Variants in ZDHHC11B observed in about 807,000 individuals in gnomAD.
ZDHHC11B encodes probable palmitoyltransferase ZDHHC11B.
A neutral mutation model predicts 42.3 loss-of-function variants in ZDHHC11B; 17 were observed. The ratio of observed to expected loss-of-function variants is 0.40; its 90% CI spans 0.27 to 0.60. ZDHHC11B has a LOEUF of 0.60. Among genes scored for constraint, ZDHHC11B ranks in the 20% least tolerant of loss-of-function variants. ZDHHC11B has a pLI of 0.41. For synonymous variants in ZDHHC11B, 123 were observed against 193.5 expected (o/e 0.64, Z 3.02); for missense variants, 262 against 463.2 (o/e 0.57, Z 3.99).
At chr5:750,890 C>T (rs1331287139) in intron 7 of ZDHHC11B, among the ~76,000 whole-genome samples, 3 of 124,150 alleles carry the variant, frequency 2.4e-5, no homozygotes, top group African/African-American at 7.8e-5. Flanking sequence ...CTGACACGAC[C>T]TGGCAGCATC....
At chr5:778,907 T>C (rs1736758160) in intron 1 of ZDHHC11B, among the ~76,000 whole-genome samples, 2 of 151,772 alleles carry the variant, frequency 1.3e-5, no homozygotes, top group Non-Finnish European at 2.9e-5. Flanking sequence ...GATTCAGCTA[T>C]GGGGGCCAGG....
chr5:716,977 G>T, intron 12 of ZDHHC11B, 112 bp from the exon 13 acceptor site: 3 of 1,492,864 alleles, frequency 2.0e-6, no homozygotes, highest in Non-Finnish European at 2.8e-6. Context: ...AGATTAGCTT[G>T]TGACGTGGGC....
rs1299434860 is a variant in ZDHHC11B, at chr5:750,987, G to C, written c.628+146C>G. The C allele has an allele frequency of 4.6e-6, 3 of 646,570 alleles. 1 individual carries two copies. Among genetic ancestry groups the C allele is most frequent in the Non-Finnish European group, 6.4e-6 (3 of 467,206 alleles). The allele number at this position is 646,570 out of a possible 1,614,324, so 40.1% of individuals were successfully genotyped here. On this transcript the variant is annotated intron_variant, in intron 7 of 13. Coordinates refer to ENST00000508859, the MANE Select transcript of ZDHHC11B (RefSeq NM_001351303.2). ...GCTGTATGAACACTGGGCTGCTGCC[G>C]TCGGGCCAGGTCAGAGCCTGCATGG... is the stretch of plus-strand genomic sequence containing the variant.
chr5:770,706 G>A lies in ZDHHC11B; in HGVS notation c.-229-1776C>T, dbSNP rs554722545. ...GAGGGTGTGTGGTGGCCCTGGGGGT[G>A]CCTCAGGATGCTCTTCCCAGGAGCC... On this transcript the variant is annotated intron_variant, in intron 1 of 13. Coordinates refer to ENST00000508859, the MANE Select transcript of ZDHHC11B (RefSeq NM_001351303.2). Among the ~76,000 whole-genome samples, 680 of 151,942 alleles carry A rather than the reference G, an allele frequency of 4.5e-3. 15 individuals carry two copies. The highest frequency in any genetic ancestry group is 0.016 in the African/African-American group (641 of 41,340).
intron 1 of ZDHHC11B, among the ~76,000 whole-genome samples, chr5:778,269 G>A (rs1247198345): frequency 2.6e-5 from 4 of 151,724 alleles, no homozygotes; most frequent in Non-Finnish European, 5.9e-5. Flanking sequence ...ATCCCGGCTG[G>A]CTCATCCCAT....
intron 4 of ZDHHC11B, among the ~76,000 whole-genome samples, chr5:759,043 GTTTAA>G (rs1416843622): frequency 1.3e-5 from 2 of 151,846 alleles, no homozygotes; most frequent in African/African-American, 4.8e-5. Flanking sequence ...CTACTTTCAC[GTTTAA>G]TTTTATGCCG....
chr5:773,202 T>G (rs1736199190), intron 1 of ZDHHC11B, among the ~76,000 whole-genome samples: 2 of 151,852 alleles, frequency 1.3e-5, no homozygotes, highest in African/African-American at 4.8e-5. Flanking sequence ...ACCTTGGCGC[T>G]CTCCACCGAG....
chr5:777,111 A>G (rs1270776204), intron 1 of ZDHHC11B, among the ~76,000 whole-genome samples: 1 of 151,906 alleles, frequency 6.6e-6, no homozygotes, highest in Non-Finnish European at 1.5e-5. Flanking sequence ...CACAGTTCTT[A>G]AAGATGGCGA....
chr5:750,354 G>A (rs1282166717), intron 7 of ZDHHC11B, among the ~76,000 whole-genome samples: 1 of 135,220 alleles, frequency 7.4e-6, no homozygotes, highest in Non-Finnish European at 1.6e-5. Flanking sequence ...TCCCACCTCT[G>A]CGAGCTCCTG....
At chr5:771,525 C>T (rs1399452752) in intron 1 of ZDHHC11B, among the ~76,000 whole-genome samples, 5 of 147,956 alleles carry the variant, frequency 3.4e-5, no homozygotes, top group Admixed American at 6.7e-5. Context: ...GTGGAAGGGC[C>T]GTCTGGGGGC....
intron 4 of ZDHHC11B, among the ~76,000 whole-genome samples, chr5:760,103 G>A (rs1471811299): frequency 1.3e-5 from 2 of 151,772 alleles, no homozygotes; most frequent in Non-Finnish European, 2.9e-5. Flanking sequence ...TCACCTACCA[G>A]AGAGCAGGTG....
chr5:765,653 A>G (rs1363133769), intron 4 of ZDHHC11B, among the ~76,000 whole-genome samples: 1 of 151,868 alleles, frequency 6.6e-6, no homozygotes, highest in Admixed American at 6.6e-5. Flanking sequence ...TCTTTGCAAT[A>G]CATCTTGCTG....
At chr5:750,039 G>A (rs1284569990) in intron 7 of ZDHHC11B, among the ~76,000 whole-genome samples, 1 of 108,580 alleles carries the variant, frequency 9.2e-6, no homozygotes, top group African/African-American at 3.2e-5. Flanking sequence ...GTCACACCGT[G>A]TTGGCTCCGG....
rs1300612236 is a variant in ZDHHC11B, at chr5:752,016, G to A, written c.504-759C>T. Among the ~76,000 whole-genome samples, 8 of 122,972 alleles carry A rather than the reference G, an allele frequency of 6.5e-5. 2 individuals carry two copies. The highest frequency in any genetic ancestry group is 9.6e-5 in the Admixed American group (1 of 10,466). The allele number at this position is 122,972 out of a possible 152,430, so 80.7% of individuals were successfully genotyped here. On this transcript the variant is annotated intron_variant, in intron 6 of 13. Coordinates refer to ENST00000508859, the MANE Select transcript of ZDHHC11B (RefSeq NM_001351303.2). ...TGTCACAGCTCTGGGGCCTCTGCCC[G>A]CACCTCCCGACTCCACCTGATGCAG... is the stretch of plus-strand genomic sequence containing the variant.
At chr5:730,410 T>C in intron 12 of ZDHHC11B, 24 bp downstream of exon 12, 2 of 1,576,390 alleles carry the variant, frequency 1.3e-6, no homozygotes, top group Non-Finnish European at 1.7e-6. Flanking sequence ...AGATAAAACG[T>C]TCCCATTAAA....
intron 12 of ZDHHC11B, among the ~76,000 whole-genome samples, chr5:717,590 C>G (rs1741851012): frequency 6.6e-6 from 1 of 151,840 alleles, no homozygotes; most frequent in Non-Finnish European, 1.5e-5. Context: ...TCTCCCTTCT[C>G]TGATCCAATC....
intron 4 of ZDHHC11B, among the ~76,000 whole-genome samples, chr5:757,156 C>A (rs1733973657): frequency 1.3e-5 from 2 of 151,986 alleles, no homozygotes; most frequent in Admixed American, 6.6e-5. Flanking sequence ...CCTCCCGTCA[C>A]CCTGCCTGGC....
chr5:752,163 G>C (rs1179721462), intron 6 of ZDHHC11B, among the ~76,000 whole-genome samples: 1 of 110,586 alleles, frequency 9.0e-6, no homozygotes, highest in Non-Finnish European at 2.0e-5. Flanking sequence ...CAGGGAAGGG[G>C]AGAGCCATGA....
intron 12 of ZDHHC11B, among the ~76,000 whole-genome samples, chr5:724,577 C>T (rs1274005560): frequency 1.4e-5 from 2 of 138,638 alleles, no homozygotes; most frequent in African/African-American, 2.8e-5. Context: ...AGGGTTTCAC[C>T]GTGTTAGCCA....
Sources: allele counts gnomAD v4.1 joint callset (sites outside exome capture counted in the v4.1 genomes callset), GRCh38; gene constraint gnomAD v4.1.1; transcripts MANE v1.5; gene names NCBI Gene and HGNC (gene_info 2026-07-23, HGNC 2026-07-21).